The following ARL10 variants were observed in gnomAD, a reference collection of about 807,000 sequenced individuals.
ARL10 encodes the protein ADP-ribosylation factor-like protein 10.
ARL10 carries 23 observed loss-of-function variants against 26.1 expected under a neutral mutation model. That is an observed-to-expected ratio of 0.88 (90% confidence interval 0.63 to 1.25). The LOEUF is 1.25. Ranked by LOEUF, ARL10 falls within the 50% of genes most tolerant of loss-of-function variation. The pLI, the probability that ARL10 is intolerant of heterozygous loss-of-function variation, is 0.00. For synonymous variants in ARL10, 138 were observed against 149.1 expected, an observed-to-expected ratio of 0.93 and a Z score of 0.54; for missense variants, 300 against 323.6, an observed-to-expected ratio of 0.93 and a Z score of 0.56.
At chr5:176,384,009 T>G (rs1231868056), downstream of ARL10, 1 of 1,537,628 alleles carries the variant, frequency 6.5e-7, no homozygotes, top group Non-Finnish European at 8.7e-7. Flanking sequence ...AAACAGCAGG[T>G]TCTGGCTTTT....
At chr5:176,388,981 G>C (rs369360053), downstream of ARL10, 13 of 1,613,776 alleles carry the variant, frequency 8.1e-6, no homozygotes, top group Non-Finnish European at 1.0e-5. Context: ...TAGGTAAGTG[G>C]GTGCGGTAGG....
chr5:176,406,528 G>T, downstream of ARL10: 1 of 1,258,964 alleles, frequency 7.9e-7, no homozygotes, highest in South Asian at 1.3e-5. Context: ...AAAGGAGGAT[G>T]ATGGGAGTAT....
chr5:176,400,521 C>T (rs1004623754), intron 1 of ARL10, among the ~76,000 whole-genome samples: 11 of 152,182 alleles, frequency 7.2e-5, no homozygotes, highest in Admixed American at 2.6e-4. Flanking sequence ...CGCTGAGCAC[C>T]GTGAGCTCTG....
At chr5:176,394,501 A>G (rs551544274) in intron 1 of ARL10, among the ~76,000 whole-genome samples, 20 of 151,808 alleles carry the variant, frequency 1.3e-4, no homozygotes, top group African/African-American at 3.2e-4. Flanking sequence ...GTGAAACCCC[A>G]TCTCTACTAA....
At chr5:176,396,641 G>A in intron 1 of ARL10, 2 of 796,386 alleles carry the variant, frequency 2.5e-6, no homozygotes, top group East Asian at 2.7e-5. Flanking sequence ...AGTACCTCCA[G>A]TGGGAGAAAT....
chr5:176,384,271 A>C, downstream of ARL10: 1 of 1,614,226 alleles, frequency 6.2e-7, no homozygotes, highest in Non-Finnish European at 8.5e-7. Flanking sequence ...AGAATCGAGG[A>C]AGTCTTGCCA....
At chr5:176,389,958 G>T (rs970962869), downstream of ARL10, among the ~76,000 whole-genome samples, 1 of 151,918 alleles carries the variant, frequency 6.6e-6, no homozygotes. Flanking sequence ...CGAAGCGAGC[G>T]GATCACCTGA....
chr5:176,399,913 C>T (rs1203047140), intron 1 of ARL10, among the ~76,000 whole-genome samples: 3 of 148,890 alleles, frequency 2.0e-5, no homozygotes, highest in East Asian at 2.0e-4. Flanking sequence ...GGGAATAGAC[C>T]GGGCACAGTG....
intron 3 of ARL10, chr5:176,369,302 G>A (rs1369502982): frequency 1.2e-5 from 12 of 1,001,270 alleles, no homozygotes; most frequent in East Asian, 5.2e-5. Flanking sequence ...GTGTGATCTC[G>A]GCTCACTGCA....
intron 3 of ARL10, 75 bp from the exon 4 acceptor site, chr5:176,371,647 G>A: frequency 7.8e-7 from 1 of 1,279,550 alleles, no homozygotes; most frequent in Non-Finnish European, 1.1e-6. Flanking sequence ...AGAACAGTGT[G>A]TTTCATGAAC....
At chr5:176,400,668 C>T (rs911648597) in intron 1 of ARL10, among the ~76,000 whole-genome samples, 4 of 152,228 alleles carry the variant, frequency 2.6e-5, no homozygotes, top group African/African-American at 9.7e-5. Context: ...TGTCTCCTGG[C>T]GCTTCTGTCT....
At chr5:176,396,327 T>C in intron 1 of ARL10, 1 of 724,886 alleles carries the variant, frequency 1.4e-6, no homozygotes, top group Admixed American at 2.0e-5. Flanking sequence ...AGGTGGTTGC[T>C]GCCTGCACCC....
At chr5:176,392,813 C>T (rs764888931), downstream of ARL10, 17 of 1,614,110 alleles carry the variant, frequency 1.1e-5, no homozygotes, top group East Asian at 4.5e-5. The surrounding 1 kb of genome is among the most constrained non-coding windows in gnomAD (Gnocchi z 5.2). Flanking sequence ...ACATGAGCAC[C>T]GAGCGCAGGC....
At chr5:176,384,240 C>G (rs748073250), downstream of ARL10, 1 of 1,614,236 alleles carries the variant, frequency 6.2e-7, no homozygotes, top group African/African-American at 1.3e-5. Flanking sequence ...GTCACTCCAC[C>G]TCCATCTTCC....
At chr5:176,369,246 T>G (rs981050246) in intron 3 of ARL10, 8 of 1,421,880 alleles carry the variant, frequency 5.6e-6, no homozygotes, top group South Asian at 1.2e-5. Flanking sequence ...TTTTGTTTTT[T>G]TTTTGAGACA....
chr5:176,406,693 G>A (rs1163727248), downstream of ARL10: 21 of 1,287,858 alleles, frequency 1.6e-5, no homozygotes, highest in African/African-American at 3.0e-5. Flanking sequence ...AGCTGGACCC[G>A]CTGGTGGTGC....
chr5:176,414,180 G>A, the ARL10 span, among the ~76,000 whole-genome samples: 10,068 of 152,068 alleles, frequency 0.066, 483 homozygotes, highest in Non-Finnish European at 0.091. Context: ...CCTGCACCCC[G>A]ACCCCAACAG....
rs140105577 is a variant in ARL10 at position 176,368,899 on chromosome 5, C to T, written c.478C>T (p.Arg160Trp). 8 of 1,613,984 alleles carry T rather than the reference C, an allele frequency of 5.0e-6. No individual in the cohort carries two copies. Among genetic ancestry groups the T allele is most frequent in the South Asian group, 1.1e-5 (1 of 91,084 alleles). The change falls in exon 3 of 4, where the codon CGG becomes TGG. Residue 160 changes from arginine to tryptophan, a missense_variant. Physicochemically the swap from Arg to Trp is moderately radical, Grantham distance 101. Coordinates refer to ENST00000310389, the MANE Select transcript of ARL10 (RefSeq NM_173664.6). The surrounding 1 kb of genome is among the most constrained non-coding windows in gnomAD (Gnocchi z 4.1). ...TGTGGTGGACTCGGCTGACCGACTG[C>T]GGCTGCCCTGGGCCCGACAGGAGCT... is the stretch of plus-strand genomic sequence containing the variant. ...VFVVDSADRL[R>W]LPWARQELHK...
At position 176,381,053 on chromosome 5, in the gene ARL10, C is replaced by A. The variant is rs2113567567; in HGVS notation, c.*9158C>A. ...AAAGTGCTGGGATTACAGGCATCAG[C>A]CACCACACCCAGCCCCATAATTCTT... On this transcript the variant is annotated 3_prime_UTR_variant, in exon 4 of 4. Coordinates refer to ENST00000310389, the MANE Select transcript of ARL10 (RefSeq NM_173664.6). 6.6e-6 allele frequency: 1 copy of A among 152,358 alleles called. No individual in the cohort carries two copies. The highest frequency in any genetic ancestry group is 2.1e-4 in the South Asian group (1 of 4,824). 9.4% of individuals were successfully genotyped at this position (152,358 alleles called of 1,614,324 possible).
Sources: gnomAD v4.1 joint callset for allele counts (sites outside exome capture counted in the v4.1 genomes callset) on GRCh38, gnomAD v4.1.1 for gene constraint, Gnocchi (gnomAD v3.1) non-coding constraint, MANE v1.5 for transcripts, NCBI Gene and HGNC (gene_info 2026-07-23, HGNC 2026-07-21) for gene names.